SACS: variants seen among roughly 807,000 people sequenced by gnomAD.
SACS encodes the protein sacsin.
In SACS, 197 loss-of-function variants were observed where a neutral mutation model predicts 348.0. The observed-to-expected ratio is 0.57, with a 90% confidence interval of 0.50 to 0.64. The LOEUF (loss-of-function observed/expected upper bound fraction) is 0.64, where lower values mean the gene tolerates loss of function less well. Among genes scored for constraint, SACS ranks in the 30% least tolerant of loss-of-function variants. The pLI is 0.00. For missense variants in SACS, 4,999 were observed against 5,360.8 expected (o/e 0.93, Z 2.11); for synonymous variants, 1,985 against 1,910.6 (o/e 1.04, Z -1.02).
Position 23,336,014 on chromosome 13 carries a change from T to C in SACS, c.7862A>G (p.Gln2621Arg), listed in dbSNP as rs1830593318. Residue 2621 changes from glutamine to arginine, a missense_variant, in exon 10 of 10, where the codon CAG becomes CGG. By Grantham distance (43) the Gln-to-Arg change is conservative. Around this residue, in one of 6 missense-constraint regions of SACS, gnomAD observed 3,156 missense variants for 3,380.1 expected, o/e 0.93. Coordinates refer to ENST00000382292, the MANE Select transcript of SACS (RefSeq NM_014363.6). ...TKEGNPYKTG[Q>R]YGIGFNSVYH... ...CACAGAATTGAATCCTATTCCATAC[T>C]GTCCAGTTTTATAAGGATTTCCCTC... 1.2e-6 allele frequency: 2 copies of C among 1,612,848 alleles called. No individual in the cohort carries two copies. Among genetic ancestry groups the C allele is most frequent in the Non-Finnish European group, 1.7e-6 (2 of 1,178,904 alleles).
chr13:23,403,290 G>A (rs11617072), intron 2 of SACS, among the ~76,000 whole-genome samples: 312 of 152,280 alleles, frequency 2.0e-3, no homozygotes, highest in African/African-American at 7.2e-3. Flanking sequence ...ATGAGTTAGG[G>A]AGGAGTCCCT....
intron 1 of SACS, among the ~76,000 whole-genome samples, chr13:23,424,956 A>T (rs1171822756): frequency 6.6e-6 from 1 of 152,166 alleles, no homozygotes; most frequent in Non-Finnish European, 1.5e-5. Context: ...GATATGGGTG[A>T]AGGAGCTTTG....
chr13:23,334,650 T>C lies in SACS; in HGVS notation c.9226A>G (p.Thr3076Ala), dbSNP rs1868407289. ...GFNLVYNCDE[T>A]ANLYHCLIDA... Reference sequence around the variant, plus strand: ...ATAAGACAGTGGTAAAGATTAGCAGTTTCATCACAGTTATAAACCAAGTTG... The same window carrying C: ...ATAAGACAGTGGTAAAGATTAGCAGCTTCATCACAGTTATAAACCAAGTTG... Residue 3076 changes from threonine to alanine, a missense_variant, in exon 10 of 10, where the codon ACT (threonine) becomes GCT (alanine). Around this residue, in one of 6 missense-constraint regions of SACS, gnomAD observed 734 missense variants for 694.0 expected, o/e 1.06. Transcript: ENST00000382292. 6.2e-7 allele frequency: 1 copy of C among 1,613,590 alleles called. No individual in the cohort carries two copies. The highest frequency in any genetic ancestry group is 1.7e-5 in the Admixed American group (1 of 60,008).
chr13:23,409,040 C>CTTTTTTTTTT (rs1175897856), intron 2 of SACS, among the ~76,000 whole-genome samples: 621 of 35,136 alleles, frequency 0.018, 199 homozygotes, highest in Non-Finnish European at 0.025. Flanking sequence ...ACAAGTTTTA[C>CTTTTTTTTTT]TTTTTTTTTT....
Position 23,329,893 on chromosome 13 carries a change from C to T in SACS, c.*243G>A, listed in dbSNP as rs556122046. 1.2e-4 allele frequency: 68 copies of T among 551,958 alleles called. 2 individuals are homozygous for T. The South Asian group carries it at 1.4e-3, about 11-fold the overall frequency. The allele number at this position is 551,958 out of a possible 1,614,324, so 34.2% of individuals were successfully genotyped here. A position where few individuals can be genotyped will look rare whatever the true frequency, so the allele number is the denominator to read the frequency against. ...AAAGTGCAGTTCAATGATGTATCATCCCAATCATTCAAATCCATCCAGCTA... is the reference window on the plus strand; with the variant it reads ...AAAGTGCAGTTCAATGATGTATCATTCCAATCATTCAAATCCATCCAGCTA... On this transcript the variant is annotated 3_prime_UTR_variant, in exon 10 of 10. Transcript: ENST00000382292.
rs752943692 is a variant in SACS at position 23,399,019 on chromosome 13, C to CAAAAAAAAAAAAAAAAAAAAA, written c.20+12200_20+12201insTTTTTTTTTTTTTTTTTTTTT. On this transcript the variant is annotated intron_variant, in intron 2 of 9. Coordinates refer to ENST00000382292, the MANE Select transcript of SACS (RefSeq NM_014363.6). ...CTGGTAACAGAGTGAGACTCCATCT[C>CAAAAAAAAAAAAAAAAAAAAA]AAAAAAAAAAAAAAAAAACATGGAT... Among the ~76,000 whole-genome samples the CAAAAAAAAAAAAAAAAAAAAA allele has an allele frequency of 5.1e-4, 34 of 67,134 alleles. 4 individuals are homozygous for CAAAAAAAAAAAAAAAAAAAAA. Among genetic ancestry groups the CAAAAAAAAAAAAAAAAAAAAA allele is most frequent in the East Asian group, 2.1e-3 (3 of 1,404 alleles). 44.0% of individuals were successfully genotyped at this position (67,134 alleles called of 152,430 possible). A position where few individuals can be genotyped will look rare whatever the true frequency, so the allele number is the denominator to read the frequency against.
At chr13:23,356,142 A>G (rs997241094) in intron 7 of SACS, 135 bp from the exon 8 acceptor site, 1 of 727,568 alleles carries the variant, frequency 1.4e-6, no homozygotes, top group Admixed American at 2.7e-5. Context: ...AACTTAATTT[A>G]CCTTCAGAAA....
intron 1 of SACS, among the ~76,000 whole-genome samples, chr13:23,420,626 T>C (rs1168208516): frequency 6.6e-6 from 1 of 152,030 alleles, no homozygotes. Flanking sequence ...GCCCTGAAGT[T>C]CTCCTAGTGC....
At chr13:23,413,438 T>C (rs1278412785) in intron 1 of SACS, among the ~76,000 whole-genome samples, 1 of 152,242 alleles carries the variant, frequency 6.6e-6, no homozygotes. Context: ...TGCTGATATG[T>C]TAAACTTGAT....
Position 23,332,172 on chromosome 13 carries a change from C to T in SACS, c.11704G>A (p.Val3902Ile). ...GGGAGGTAAAGCGCAAGGTCTCGTA[C>T]ATTCTCGAGATCACTCCTCACCTTG... The part of the protein sequence containing the change: ...SVKVRSDLEN[V>I]RDLALYLPSQ... Residue 3902 changes from valine (V) to isoleucine (I), a missense_variant, in exon 10 of 10, where the codon GTA (valine) becomes ATA (isoleucine). By Grantham distance (29) the Val-to-Ile change is conservative. Coordinates refer to ENST00000382292, the MANE Select transcript of SACS (RefSeq NM_014363.6). The T allele has an allele frequency of 6.2e-7, 1 of 1,614,040 alleles. No individual in the cohort carries two copies. The highest frequency in any genetic ancestry group is 8.5e-7 in the Non-Finnish European group (1 of 1,179,954).
chr13:23,372,628 C>G (rs2137823727), intron 3 of SACS, among the ~76,000 whole-genome samples: 1 of 152,320 alleles, frequency 6.6e-6, no homozygotes, highest in South Asian at 2.1e-4. Context: ...ACCCACCTCT[C>G]CGCTTCCTAG....
chr13:23,391,019 G>A (rs1434127565), intron 2 of SACS, among the ~76,000 whole-genome samples: 4 of 152,202 alleles, frequency 2.6e-5, no homozygotes, highest in African/African-American at 4.8e-5. Flanking sequence ...CAGTGCAGAC[G>A]CCACCACAGG....
intron 2 of SACS, among the ~76,000 whole-genome samples, chr13:23,403,613 T>C (rs1349750749): frequency 6.6e-6 from 1 of 152,208 alleles, no homozygotes; most frequent in Admixed American, 6.5e-5. Flanking sequence ...TTATCCTTTT[T>C]TATTATGTCT....
At chr13:23,429,858 A>C (rs1256605794) in intron 1 of SACS, among the ~76,000 whole-genome samples, 1 of 152,194 alleles carries the variant, frequency 6.6e-6, no homozygotes, top group East Asian at 1.9e-4. Context: ...ATGACAGTAA[A>C]ATGAACATAG....
intron 2 of SACS, among the ~76,000 whole-genome samples, chr13:23,375,937 C>T (rs1034421970): frequency 6.6e-6 from 1 of 152,184 alleles, no homozygotes; most frequent in Non-Finnish European, 1.5e-5. Context: ...TCCTTGAACT[C>T]TAATGACTTT....
intron 9 of SACS, among the ~76,000 whole-genome samples, chr13:23,352,045 G>A (rs1319590484): frequency 1.3e-5 from 2 of 152,158 alleles, no homozygotes; most frequent in African/African-American, 4.8e-5. Context: ...CAGGGCTAGA[G>A]AAGCAAGTTG....
intron 9 of SACS, among the ~76,000 whole-genome samples, chr13:23,344,427 C>A (rs1869472946): frequency 6.6e-6 from 1 of 152,068 alleles, no homozygotes; most frequent in Admixed American, 6.6e-5. Context: ...GCAACTAACA[C>A]ATCGGTCATG....
chr13:23,345,905 T>C (rs1262202658), intron 9 of SACS, among the ~76,000 whole-genome samples: 8 of 152,034 alleles, frequency 5.3e-5, no homozygotes, highest in Non-Finnish European at 1.2e-4. Flanking sequence ...ATTTTTTATT[T>C]ATTAAAAAAA....
At position 23,332,519 on chromosome 13, in the gene SACS, TC is replaced by T; in HGVS notation, c.11356del (p.Glu3786AsnfsTer12). 1 of 1,613,924 alleles carries T rather than the reference TC, an allele frequency of 6.2e-7. No homozygotes were observed. Among genetic ancestry groups the T allele is most frequent in the Non-Finnish European group, 8.5e-7 (1 of 1,179,888 alleles). On this transcript the variant is annotated frameshift_variant, in exon 10 of 10. Coordinates refer to ENST00000382292, the MANE Select transcript of SACS (RefSeq NM_014363.6). LOFTEE classifies it high-confidence loss of function. ...AACCCCTCGCAACTGAAAACGAAAT[TC>T]CCTTTTTTCTGCACTGAGGAATTCA... Reference protein sequence around the residue: ...IYEFLSAEKREFRFQLRGVAF... With the variant: ...IYEFLSAEKRXFRFQLRGVAF...
Sources: gnomAD v4.1 joint callset for allele counts (sites outside exome capture counted in the v4.1 genomes callset) on GRCh38, gnomAD v4.1.1 for gene constraint, gnomAD v4.1.1 regional missense constraint, MANE v1.5 for transcripts, NCBI Gene and HGNC (gene_info 2026-07-23, HGNC 2026-07-21) for gene names.